GALNT17: variants seen among roughly 807,000 people sequenced by gnomAD.
GALNT17 encodes the protein polypeptide N-acetylgalactosaminyltransferase 17.
GALNT17 carries 29 observed loss-of-function variants against 63.7 expected under a neutral mutation model. That is an observed-to-expected ratio of 0.46 (90% CI 0.34 to 0.62). The LOEUF is 0.62. Among genes scored for constraint, GALNT17 ranks in the 20% least tolerant of loss-of-function variants. The pLI is 0.01. For missense variants in GALNT17, 603 were observed against 799.6 expected (o/e 0.75, Z 2.97); for synonymous variants, 305 against 318.3 (o/e 0.96, Z 0.45).
intron 1 of GALNT17, among the ~76,000 whole-genome samples, chr7:71,329,946 C>CACAT (rs1563007586): frequency 2.0e-5 from 3 of 149,076 alleles, no homozygotes; most frequent in African/African-American, 7.4e-5. Flanking sequence ...TATATACACA[C>CACAT]ATATGTGTGT....
intron 5 of GALNT17, among the ~76,000 whole-genome samples, chr7:71,540,979 C>T (rs534011891): frequency 6.6e-6 from 1 of 152,222 alleles, no homozygotes; most frequent in Non-Finnish European, 1.5e-5. Context: ...TGGCTCATGC[C>T]TGGAATCCCA....
At chr7:71,330,035 TAG>T (rs896311286) in intron 1 of GALNT17, among the ~76,000 whole-genome samples, 1 of 151,690 alleles carries the variant, frequency 6.6e-6, no homozygotes, top group African/African-American at 2.4e-5. Context: ...ATATTTGAGA[TAG>T]AGTCTTGCTC....
At chr7:71,642,517 A>G (rs937326134) in intron 6 of GALNT17, among the ~76,000 whole-genome samples, 2 of 152,190 alleles carry the variant, frequency 1.3e-5, no homozygotes, top group African/African-American at 4.8e-5. Flanking sequence ...AATTCTTTGA[A>G]GAAAGATTTT....
intron 6 of GALNT17, among the ~76,000 whole-genome samples, chr7:71,653,698 C>T (rs1300087779): frequency 2.0e-5 from 3 of 152,186 alleles, no homozygotes; most frequent in African/African-American, 7.2e-5. Context: ...TGAGCCACCA[C>T]GCCCAGCCAA....
At chr7:71,240,766 G>A (rs536313286) in intron 1 of GALNT17, among the ~76,000 whole-genome samples, 14 of 151,632 alleles carry the variant, frequency 9.2e-5, no homozygotes, top group South Asian at 8.4e-4. Flanking sequence ...CCGGGTTCAC[G>A]CCATTCTCCT....
chr7:71,492,639 G>A (rs1351070862), intron 5 of GALNT17, among the ~76,000 whole-genome samples: 1 of 152,182 alleles, frequency 6.6e-6, no homozygotes, highest in East Asian at 1.9e-4. Context: ...AAAGTAAATT[G>A]GCCAAAGTAC....
intron 5 of GALNT17, among the ~76,000 whole-genome samples, chr7:71,501,721 G>A (rs1181914652): frequency 6.6e-6 from 1 of 152,114 alleles, no homozygotes; most frequent in Non-Finnish European, 1.5e-5. Context: ...CTCCACTCTG[G>A]CCATGGTTAA....
chr7:71,531,997 C>T (rs1788728415), intron 5 of GALNT17, among the ~76,000 whole-genome samples: 1 of 152,076 alleles, frequency 6.6e-6, no homozygotes, highest in Non-Finnish European at 1.5e-5. Flanking sequence ...GGGACCTGGA[C>T]CACCAAGGGG....
At chr7:71,511,008 A>G (rs1788346289) in intron 5 of GALNT17, among the ~76,000 whole-genome samples, 2 of 152,046 alleles carry the variant, frequency 1.3e-5, no homozygotes. Context: ...CCCCATCTTC[A>G]CAAATAATAA....
chr7:71,373,895 T>A (rs1011992541), intron 2 of GALNT17, among the ~76,000 whole-genome samples: 1 of 152,190 alleles, frequency 6.6e-6, no homozygotes, highest in Non-Finnish European at 1.5e-5. Context: ...ACATATCATA[T>A]TGTTAAACAC....
intron 5 of GALNT17, among the ~76,000 whole-genome samples, chr7:71,485,969 T>C (rs978901957): frequency 2.6e-5 from 4 of 152,306 alleles, no homozygotes; most frequent in Non-Finnish European, 5.9e-5. Context: ...AGATTTTATG[T>C]TATTCAAACA....
intron 5 of GALNT17, among the ~76,000 whole-genome samples, chr7:71,483,501 G>A (rs1299752817): frequency 6.6e-6 from 1 of 151,672 alleles, no homozygotes; most frequent in African/African-American, 2.4e-5. Context: ...AAAATGTGAA[G>A]GCCTAGAACA....
chr7:71,503,497 A>T (rs1352378026), intron 5 of GALNT17, among the ~76,000 whole-genome samples: 1 of 152,102 alleles, frequency 6.6e-6, no homozygotes. Flanking sequence ...CCGGCCTCCC[A>T]AAGTGCTAGA....
At chr7:71,660,568 C>G (rs1001349904) in intron 6 of GALNT17, among the ~76,000 whole-genome samples, 6 of 152,192 alleles carry the variant, frequency 3.9e-5, no homozygotes, top group Non-Finnish European at 5.9e-5. Context: ...ACCAGCTGTA[C>G]TTGGGATACT....
At chr7:71,484,948 G>A (rs549888471) in intron 5 of GALNT17, among the ~76,000 whole-genome samples, 6 of 144,690 alleles carry the variant, frequency 4.1e-5, no homozygotes, top group Non-Finnish European at 9.0e-5. Context: ...ACAGGCATGG[G>A]CCACCACACC....
chr7:71,446,710 A>G (rs1234210492), intron 5 of GALNT17, among the ~76,000 whole-genome samples: 2 of 152,018 alleles, frequency 1.3e-5, no homozygotes, highest in African/African-American at 4.8e-5. Context: ...CACCATGCTC[A>G]GCTAATTTTT....
At chr7:71,675,669 C>T (rs2117064222) in intron 8 of GALNT17, among the ~76,000 whole-genome samples, 1 of 151,974 alleles carries the variant, frequency 6.6e-6, no homozygotes, top group Admixed American at 6.6e-5. Flanking sequence ...TTGTCTGAGC[C>T]TAAACACAAT....
At chr7:71,630,998 T>G (rs1488143497) in intron 6 of GALNT17, among the ~76,000 whole-genome samples, 2 of 152,192 alleles carry the variant, frequency 1.3e-5, no homozygotes, top group East Asian at 3.9e-4. Context: ...CAGGCCCTAT[T>G]CTGGCCCTGG....
chr7:71,301,382 A>G (rs1791194389), intron 1 of GALNT17, among the ~76,000 whole-genome samples: 1 of 147,318 alleles, frequency 6.8e-6, no homozygotes, highest in East Asian at 2.0e-4. Flanking sequence ...ATTATATATA[A>G]TAATATATAA....
Sources: gnomAD v4.1 joint callset for allele counts (sites outside exome capture counted in the v4.1 genomes callset) on GRCh38, gnomAD v4.1.1 for gene constraint, MANE v1.5 for transcripts, NCBI Gene and HGNC (gene_info 2026-07-23, HGNC 2026-07-21) for gene names.